The following WWOX variants were observed in gnomAD, a reference collection of about 807,000 sequenced individuals.
WWOX encodes WW domain-containing oxidoreductase.
In WWOX, 69 loss-of-function variants were observed where a neutral mutation model predicts 46.2. The ratio of observed to expected loss-of-function variants is 1.49; its 90% CI spans 1.23 to 1.82. The LOEUF (loss-of-function observed/expected upper bound fraction) is 1.82, where lower values mean the gene tolerates loss of function less well. WWOX is among the 40% of genes most tolerant of loss of function. WWOX has a pLI of 0.00. For missense variants in WWOX, 919 were observed against 542.6 expected (o/e 1.69, Z -6.89); for synonymous variants, 359 against 202.6 (o/e 1.77, Z -6.56).
At chr16:79,164,990 TAAAATG>T (rs1156800971) in intron 8 of WWOX, among the ~76,000 whole-genome samples, 3 of 152,164 alleles carry the variant, frequency 2.0e-5, no homozygotes, top group African/African-American at 7.2e-5. Context: ...ACAGTAAGTG[TAAAATG>T]TTCCACACCC....
intron 1 of WWOX, 68 bp downstream of exon 1, chr16:78,099,953 C>G: frequency 1.3e-6 from 2 of 1,529,546 alleles, no homozygotes; most frequent in Non-Finnish European, 1.8e-6. Flanking sequence ...GCCACCTGCG[C>G]GGGGAGGACG....
intron 8 of WWOX, among the ~76,000 whole-genome samples, chr16:78,612,210 G>C (rs2045917605): frequency 6.6e-6 from 1 of 152,248 alleles, no homozygotes; most frequent in Admixed American, 6.5e-5. Flanking sequence ...TTCTAACAAA[G>C]AGGTGTAAAT....
intron 5 of WWOX, among the ~76,000 whole-genome samples, chr16:78,165,602 C>T (rs1293132983): frequency 6.6e-6 from 1 of 151,972 alleles, no homozygotes; most frequent in Non-Finnish European, 1.5e-5. Flanking sequence ...GATAGAGCAG[C>T]GTGTTTGGGA....
intron 8 of WWOX, among the ~76,000 whole-genome samples, chr16:78,929,428 G>A (rs974124436): frequency 6.6e-6 from 1 of 151,974 alleles, no homozygotes. Flanking sequence ...TAGGAAAGAA[G>A]GATTTTGAAG....
At chr16:79,160,645 T>C (rs752767796) in intron 8 of WWOX, among the ~76,000 whole-genome samples, 6 of 152,316 alleles carry the variant, frequency 3.9e-5, no homozygotes, top group African/African-American at 9.6e-5. Flanking sequence ...CAAGCAGATC[T>C]GCAGCCCACA....
intron 8 of WWOX, among the ~76,000 whole-genome samples, chr16:78,702,672 A>C (rs538308651): frequency 1.1e-4 from 16 of 151,902 alleles, no homozygotes; most frequent in African/African-American, 3.6e-4. Context: ...AGAACAAAAA[A>C]AAAAAAAGAA....
chr16:78,996,396 C>G (rs2046991150), intron 8 of WWOX: 1 of 915,144 alleles, frequency 1.1e-6, no homozygotes, highest in Non-Finnish European at 1.3e-6. Flanking sequence ...CCCAGCTTCC[C>G]CACCTGTAAA....
At chr16:78,495,679 T>C (rs2084900540) in intron 8 of WWOX, among the ~76,000 whole-genome samples, 1 of 151,784 alleles carries the variant, frequency 6.6e-6, no homozygotes, top group Non-Finnish European at 1.5e-5. Context: ...TGGCTAATTT[T>C]TGTATTTTTA....
chr16:78,724,060 A>G (rs2048764590), intron 8 of WWOX, among the ~76,000 whole-genome samples: 1 of 152,182 alleles, frequency 6.6e-6, no homozygotes, highest in African/African-American at 2.4e-5. Context: ...TGGAAGCAGC[A>G]TATCTCAGAT....
At position 78,377,717 on chromosome 16, in the gene WWOX, A is replaced by G. The variant is rs1444809121; in HGVS notation, c.517-9143A>G. The stretch of plus-strand genomic sequence containing the variant: ...CGCTCTCTTATTAGTTTCTGGCAGG[A>G]TAAGCATTTTTTATCCGGATTGCAA... On this transcript the variant is annotated intron_variant, in intron 5 of 8. Coordinates refer to ENST00000566780, the MANE Select transcript of WWOX (RefSeq NM_016373.4). Among the ~76,000 whole-genome samples the G allele has an allele frequency of 4.6e-5, 7 of 152,294 alleles. No individual in the cohort carries two copies. In the East Asian group the frequency reaches 5.8e-4, roughly 13 times the overall value.
intron 8 of WWOX, among the ~76,000 whole-genome samples, chr16:78,705,970 C>CG (rs1221974876): frequency 4.0e-5 from 6 of 150,872 alleles, no homozygotes; most frequent in Non-Finnish European, 8.8e-5. Context: ...AGATGCTGTG[C>CG]GTACAGCAGT....
rs555544284 is a variant in WWOX, at chr16:78,340,946, A to T, written c.517-45914A>T. ...GAAATGATGGTATCCTGCTGGGCTG[A>T]GTGGGGAGGGATTCTCAAGCTGTAC... On this transcript the variant is annotated intron_variant, in intron 5 of 8. Transcript: ENST00000566780. Among the ~76,000 whole-genome samples the T allele has an allele frequency of 5.9e-5, 7 of 118,612 alleles. 1 individual carries two copies. Among genetic ancestry groups the T allele is most frequent in the African/African-American group, 2.0e-4 (7 of 34,782 alleles). The allele number at this position is 118,612 out of a possible 152,430, so 77.8% of individuals were successfully genotyped here.
At chr16:78,656,386 A>G (rs938636598) in intron 8 of WWOX, among the ~76,000 whole-genome samples, 3 of 152,202 alleles carry the variant, frequency 2.0e-5, no homozygotes, top group African/African-American at 7.2e-5. Context: ...TGGCTAATGT[A>G]TAAAGAAAAG....
chr16:78,825,183 C>T (rs2051615830), intron 8 of WWOX: 1 of 157,506 alleles, frequency 6.3e-6, no homozygotes, highest in Non-Finnish European at 1.4e-5. Context: ...CAGGTGTGTT[C>T]CATGGGCAGC....
intron 6 of WWOX, among the ~76,000 whole-genome samples, chr16:78,421,224 G>C (rs566856029): frequency 6.6e-6 from 1 of 152,170 alleles, no homozygotes; most frequent in Admixed American, 6.5e-5. Flanking sequence ...CAGTTTCAGA[G>C]ACCAAACATC....
chr16:78,853,158 A>C (rs987698521), intron 8 of WWOX, among the ~76,000 whole-genome samples: 3 of 152,218 alleles, frequency 2.0e-5, no homozygotes, highest in African/African-American at 7.2e-5. Context: ...CAATATGTTA[A>C]TATGTTGCCA....
At chr16:78,270,245 A>C (rs1275806701) in intron 5 of WWOX, 3 of 152,160 alleles carry the variant, frequency 2.0e-5, no homozygotes, top group Non-Finnish European at 4.4e-5. Context: ...GTGTTTTCAC[A>C]TGTCTTGGGA....
intron 8 of WWOX, among the ~76,000 whole-genome samples, chr16:78,668,612 G>A (rs72796603): frequency 1.3e-5 from 2 of 152,110 alleles, no homozygotes; most frequent in South Asian, 2.1e-4. Context: ...TGTTATCTGC[G>A]GGGAACAGGT....
At chr16:78,839,215 C>T (rs937119052) in intron 8 of WWOX, among the ~76,000 whole-genome samples, 18 of 152,246 alleles carry the variant, frequency 1.2e-4, no homozygotes, top group Middle Eastern at 3.4e-3. Flanking sequence ...ACGAGCCCAC[C>T]ACCCAGAGAG....
Sources: gnomAD v4.1 joint callset for allele counts (sites outside exome capture counted in the v4.1 genomes callset) on GRCh38, gnomAD v4.1.1 for gene constraint, MANE v1.5 for transcripts, NCBI Gene and HGNC (gene_info 2026-07-23, HGNC 2026-07-21) for gene names.